The following MIPOL1 variants were observed in gnomAD, a reference collection of about 807,000 sequenced individuals.
The protein encoded by MIPOL1 is mirror-image polydactyly gene 1 protein.
MIPOL1 carries 57 observed loss-of-function variants against 60.9 expected under a neutral mutation model. That is an observed-to-expected ratio of 0.94 (90% confidence interval 0.76 to 1.17). The LOEUF is 1.17. MIPOL1 is among the 50% of genes most tolerant of loss of function. The pLI is 0.00. For missense variants in MIPOL1, 551 were observed against 511.6 expected, an observed-to-expected ratio of 1.08 and a Z score of -0.74; for synonymous variants, 179 against 168.8, an observed-to-expected ratio of 1.06 and a Z score of -0.47.
chr14:37,350,829 T>C (rs1259113959), intron 9 of MIPOL1, among the ~76,000 whole-genome samples: 1 of 152,192 alleles, frequency 6.6e-6, no homozygotes, highest in African/African-American at 2.4e-5. Context: ...GAACATGCGA[T>C]GATCTCTTTC....
chr14:37,214,460 C>T (rs1967238955), intron 1 of MIPOL1, among the ~76,000 whole-genome samples: 1 of 152,022 alleles, frequency 6.6e-6, no homozygotes, highest in South Asian at 2.1e-4. Flanking sequence ...CGGCAAGCCA[C>T]CCAGGTGCTG....
At chr14:37,455,692 G>T (rs1453376068) in intron 11 of MIPOL1, among the ~76,000 whole-genome samples, 1 of 152,048 alleles carries the variant, frequency 6.6e-6, no homozygotes, top group East Asian at 1.9e-4. Flanking sequence ...TCCCAAATTC[G>T]ATTATTATCT....
At chr14:37,405,266 C>G (rs2093565373) in intron 10 of MIPOL1, among the ~76,000 whole-genome samples, 1 of 152,074 alleles carries the variant, frequency 6.6e-6, no homozygotes, top group African/African-American at 2.4e-5. Context: ...TTTTCTTATG[C>G]TTTTCACATG....
At chr14:37,552,065 T>C (rs931289943), downstream of MIPOL1, 1 of 152,110 alleles carries the variant, frequency 6.6e-6, no homozygotes, top group Non-Finnish European at 1.5e-5. Context: ...ACAGACTGTG[T>C]AGCACTCTAT....
At chr14:37,457,805 C>T (rs1298219743) in intron 11 of MIPOL1, among the ~76,000 whole-genome samples, 1 of 152,092 alleles carries the variant, frequency 6.6e-6, no homozygotes, top group African/African-American at 2.4e-5. Context: ...TCTGAGGAAA[C>T]ATATAACTAA....
chr14:37,293,523 G>A (rs541623790), intron 7 of MIPOL1, among the ~76,000 whole-genome samples: 11 of 152,168 alleles, frequency 7.2e-5, no homozygotes, highest in East Asian at 1.9e-4. Flanking sequence ...CGTGTCACCC[G>A]GGAAGCGCAA....
At chr14:37,458,803 G>C (rs1410314328) in intron 11 of MIPOL1, among the ~76,000 whole-genome samples, 3 of 152,050 alleles carry the variant, frequency 2.0e-5, no homozygotes, top group African/African-American at 7.3e-5. Flanking sequence ...AGTGAGCCGA[G>C]ATTGTGCCGC....
intron 9 of MIPOL1, among the ~76,000 whole-genome samples, chr14:37,346,742 G>A (rs1307363637): frequency 6.6e-6 from 1 of 152,068 alleles, no homozygotes; most frequent in African/African-American, 2.4e-5. Context: ...GTGATGATAT[G>A]GCCATGCGAG....
At chr14:37,277,759 T>C (rs1446049152) in intron 6 of MIPOL1, 1 of 151,386 alleles carries the variant, frequency 6.6e-6, no homozygotes, top group Non-Finnish European at 1.5e-5. Context: ...ATCATACTTC[T>C]AGTAATTTTC....
chr14:37,258,232 T>C (rs528323189), intron 3 of MIPOL1, among the ~76,000 whole-genome samples: 2 of 152,270 alleles, frequency 1.3e-5, no homozygotes, highest in South Asian at 4.1e-4. Flanking sequence ...AAAGTTTGTT[T>C]TTTCCTCTTT....
At chr14:37,367,007 A>G (rs1014880) in intron 9 of MIPOL1, among the ~76,000 whole-genome samples, 146,985 of 152,076 alleles carry the variant, frequency 0.97, 71,117 homozygotes, top group East Asian at 1. Context: ...GACAAATTTA[A>G]CAATTAAAAA....
At chr14:37,292,620 A>G (rs893080478) in intron 7 of MIPOL1, among the ~76,000 whole-genome samples, 6 of 151,732 alleles carry the variant, frequency 4.0e-5, no homozygotes, top group African/African-American at 1.5e-4. Context: ...TGCTGGGATT[A>G]TAGGCACCTG....
At chr14:37,361,013 G>A (rs777240917) in intron 9 of MIPOL1, among the ~76,000 whole-genome samples, 6 of 152,080 alleles carry the variant, frequency 3.9e-5, no homozygotes, top group Non-Finnish European at 5.9e-5. Flanking sequence ...ATTCTGTTAC[G>A]TTGTATCTTT....
intron 3 of MIPOL1, chr14:37,265,202 G>A (rs1018977998): frequency 2.6e-5 from 4 of 151,814 alleles, no homozygotes; most frequent in African/African-American, 9.7e-5. Context: ...GCTATCCTTT[G>A]GCAGTTTGCT....
chr14:37,400,012 A>C (rs1204269700), intron 10 of MIPOL1: 1 of 152,186 alleles, frequency 6.6e-6, no homozygotes, highest in Non-Finnish European at 1.5e-5. Flanking sequence ...TTCTTGGTGA[A>C]GGAGGAATTG....
chr14:37,406,046 T>G (rs2093581867), intron 10 of MIPOL1, among the ~76,000 whole-genome samples: 2 of 152,088 alleles, frequency 1.3e-5, no homozygotes, highest in Non-Finnish European at 2.9e-5. Flanking sequence ...TCATACTGAT[T>G]TTCCTTTTAA....
intron 12 of MIPOL1, among the ~76,000 whole-genome samples, chr14:37,516,045 A>G (rs2095366864): frequency 6.6e-6 from 1 of 152,224 alleles, no homozygotes; most frequent in Non-Finnish European, 1.5e-5. Context: ...AAACTTGGCA[A>G]TGAAAACACA....
intron 9 of MIPOL1, among the ~76,000 whole-genome samples, chr14:37,348,805 G>T (rs556878975): frequency 7.0e-6 from 1 of 143,714 alleles, no homozygotes; most frequent in Non-Finnish European, 1.5e-5. Flanking sequence ...CCTTCCCTTA[G>T]TCTATTCTTT....
chr14:37,335,231 T>C (rs2090017943), intron 9 of MIPOL1, among the ~76,000 whole-genome samples: 1 of 152,118 alleles, frequency 6.6e-6, no homozygotes, highest in African/African-American at 2.4e-5. Context: ...TTGTGGTTTT[T>C]AGTTTTTTGT....
Sources: gnomAD v4.1 joint callset for allele counts (sites outside exome capture counted in the v4.1 genomes callset) on GRCh38, gnomAD v4.1.1 for gene constraint, MANE v1.5 for transcripts, NCBI Gene and HGNC (gene_info 2026-07-23, HGNC 2026-07-21) for gene names.